The following SLC37A2 variants were observed in gnomAD, a reference collection of about 807,000 sequenced individuals.
SLC37A2 encodes the protein solute carrier family 37 member 2.
SLC37A2 carries 59 observed loss-of-function variants against 70.7 expected under a neutral mutation model. The ratio of observed to expected loss-of-function variants is 0.83; its 90% CI spans 0.68 to 1.04. The LOEUF is 1.04. SLC37A2 is among the 50% of genes least tolerant of loss of function. The pLI is 0.00. For missense variants in SLC37A2, 580 were observed against 658.1 expected (o/e 0.88, Z 1.30); for synonymous variants, 257 against 262.1 (o/e 0.98, Z 0.19).
In SLC37A2 at chr11:125,082,473, G is replaced by T. The variant is rs1949161349; in HGVS notation, c.976+139G>T. 3 of 762,370 alleles carry T rather than the reference G, an allele frequency of 3.9e-6. 1 individual carries two copies. The East Asian group carries it at 7.9e-5, about 20-fold the overall frequency. The allele number at this position is 762,370 out of a possible 1,614,324, so 47.2% of individuals were successfully genotyped here. The stretch of plus-strand genomic sequence containing the variant: ...CTGCTGAACCTCTCCTAGAGTGAAA[G>T]GAGCTTGATTTAGTTGTTTACTTAA... On this transcript the variant is annotated intron_variant, in intron 10 of 17. Coordinates refer to ENST00000403796, the MANE Select transcript of SLC37A2 (RefSeq NM_001145290.2).
chr11:125,072,453 C>A (rs1949038005), intron 1 of SLC37A2, among the ~76,000 whole-genome samples: 1 of 152,214 alleles, frequency 6.6e-6, no homozygotes, highest in African/African-American at 2.4e-5. Context: ...CCATCTGGAG[C>A]AGCCGGGGGC....
chr11:125,074,819 G>C (rs982451623), intron 1 of SLC37A2, among the ~76,000 whole-genome samples: 74 of 152,226 alleles, frequency 4.9e-4, no homozygotes, highest in African/African-American at 1.8e-3. Flanking sequence ...CCCCAGTGGG[G>C]CCTTGGGTCC....
chr11:125,081,825 C>G lies in SLC37A2; in HGVS notation c.804C>G (p.Gly268=), dbSNP rs1417870147. Residue 268 remains glycine, a synonymous_variant, in exon 9 of 18, where the codon GGC becomes GGG. Transcript: ENST00000403796. ...GTCCCTGCTCTATCAGGGAGAGCGG[C>G]CTTGAGACTGTGGCCAAATGCTCCA... ...GNSPCSIRES[G]LETVAKCSKG... 3.3e-5 allele frequency: 54 copies of G among 1,613,896 alleles called. No individual in the cohort carries two copies. Among genetic ancestry groups the G allele is most frequent in the Non-Finnish European group, 4.6e-5 (54 of 1,179,936 alleles).
At chr11:125,071,953 G>A (rs78793716) in intron 1 of SLC37A2, among the ~76,000 whole-genome samples, 6,433 of 152,220 alleles carry the variant, frequency 0.042, 155 homozygotes, top group Middle Eastern at 0.082. Context: ...AGTCACGTCC[G>A]AGAAGAGACT....
chr11:125,082,089 G>A (rs567578263), intron 9 of SLC37A2, among the ~76,000 whole-genome samples, 155 bp from the exon 10 acceptor site: 33 of 152,234 alleles, frequency 2.2e-4, no homozygotes, highest in African/African-American at 6.3e-4. Context: ...CTTGCACAGT[G>A]GTCATGTTGC....
intron 12 of SLC37A2, 100 bp from the exon 13 acceptor site, chr11:125,084,725 C>T (rs1949185735): frequency 1.6e-6 from 2 of 1,270,576 alleles, no homozygotes; most frequent in East Asian, 2.4e-5. Flanking sequence ...ATAGGATGCC[C>T]TCTGGGGTTT....
chr11:125,072,295 G>T (rs1411561396), intron 1 of SLC37A2, among the ~76,000 whole-genome samples: 1 of 152,152 alleles, frequency 6.6e-6, no homozygotes, highest in Non-Finnish European at 1.5e-5. Context: ...GAGTAGGTTG[G>T]ACTGTCAGCT....
intron 17 of SLC37A2, 90 bp from the exon 18 acceptor site, chr11:125,088,029 C>G (rs1949241798): frequency 3.5e-6 from 5 of 1,426,464 alleles, no homozygotes; most frequent in South Asian, 2.5e-5. Flanking sequence ...ATGAAGGGAC[C>G]CTGGGACCCT....
In SLC37A2 at chr11:125,089,077, A is replaced by G. The variant is rs7111308; in HGVS notation, c.*943A>G. On this transcript the variant is annotated 3_prime_UTR_variant, in exon 18 of 18. Coordinates refer to ENST00000403796, the MANE Select transcript of SLC37A2 (RefSeq NM_001145290.2). ...TGGTTCATTCAGGCAGCTGCTGCAGATGTGGTCACCTGGTGCCATCTGCTG... is the reference window on the plus strand; with the variant it reads ...TGGTTCATTCAGGCAGCTGCTGCAGGTGTGGTCACCTGGTGCCATCTGCTG... 116,487 of 152,170 alleles carry G rather than the reference A, an allele frequency of 0.77. 44,934 individuals are homozygous for G. The highest frequency in any genetic ancestry group is 0.87 in the African/African-American group (36,190 of 41,492). 9.4% of individuals were successfully genotyped at this position (152,170 alleles called of 1,614,324 possible). A position where few individuals can be genotyped will look rare whatever the true frequency, so the allele number is the denominator to read the frequency against.
intron 1 of SLC37A2, among the ~76,000 whole-genome samples, chr11:125,064,348 C>A (rs529720222): frequency 9.9e-5 from 15 of 152,070 alleles, no homozygotes; most frequent in Admixed American, 9.2e-4. Flanking sequence ...CCTCACACCC[C>A]TCCCTGTCTC....
rs991100942 is a variant in SLC37A2, at chr11:125,073,415, G to A, written c.60-3342G>A. ...TACCTTCCAGGTAAATCCAGGGCCC[G>A]GAGCCTCCACTTCCCAGAAGAGTTT... On this transcript the variant is annotated intron_variant, in intron 1 of 17. Transcript: ENST00000403796. Among the ~76,000 whole-genome samples, 75 of 152,198 alleles carry A rather than the reference G, an allele frequency of 4.9e-4. 1 individual carries two copies. Among genetic ancestry groups the A allele is most frequent in the Admixed American group, 9.8e-4 (15 of 15,288 alleles).
At chr11:125,085,164 C>T (rs1427070260) in intron 14 of SLC37A2, 25 bp downstream of exon 14, 1 of 1,608,274 alleles carries the variant, frequency 6.2e-7, no homozygotes, top group African/African-American at 1.3e-5. Flanking sequence ...CTCCCGAGGG[C>T]CAGGGACCGT....
At position 125,080,690 on chromosome 11, in the gene SLC37A2, TG is replaced by T; in HGVS notation, c.607del (p.Val203Ter). 1 of 1,587,198 alleles carries T rather than the reference TG, an allele frequency of 6.3e-7. No homozygotes were observed. Among genetic ancestry groups the T allele is most frequent in the Non-Finnish European group, 8.6e-7 (1 of 1,166,102 alleles). On this transcript the variant is annotated frameshift_variant, in exon 7 of 18. Coordinates refer to ENST00000403796, the MANE Select transcript of SLC37A2 (RefSeq NM_001145290.2). LOFTEE classifies it high-confidence loss of function. The surrounding 1 kb of genome is among the most constrained non-coding windows in gnomAD (Gnocchi z 4.3). ...CCTGGGCTCCCTGATCGCCGGCATC[TG>T]GGTGAACGGGCAGTGGGGCCTGTCG... Reference protein sequence around the residue: ...NILGSLIAGIWVNGQWGLSFI... With the variant: ...NILGSLIAGIXVNGQWGLSFI...
chr11:125,083,453 A>C lies in SLC37A2; in HGVS notation c.977-362A>C. The C allele has an allele frequency of 4.6e-6, 1 of 219,240 alleles. No homozygotes were observed. The highest frequency in any genetic ancestry group is 9.2e-6 in the Non-Finnish European group (1 of 109,022). 13.6% of individuals were successfully genotyped at this position (219,240 alleles called of 1,614,324 possible). On this transcript the variant is annotated intron_variant, in intron 10 of 17. Coordinates refer to ENST00000403796, the MANE Select transcript of SLC37A2 (RefSeq NM_001145290.2). The surrounding 1 kb of genome is among the most constrained non-coding windows in gnomAD (Gnocchi z 4.6). ...AACGGGAAGAGTTCCTAGTGCTGCT[A>C]GGGCCGGAGTGAAGCAGAGAAAGGG...
At chr11:125,086,234 G>A (rs1229916799) in intron 17 of SLC37A2, 2 of 1,613,068 alleles carry the variant, frequency 1.2e-6, no homozygotes, top group East Asian at 4.5e-5. Context: ...ACCAGTGATA[G>A]TATTTTCCTC....
Position 125,080,855 on chromosome 11 carries a change from G to A in SLC37A2, c.694+75G>A. The A allele has an allele frequency of 1.6e-6, 2 of 1,286,762 alleles. No homozygotes were observed. Among genetic ancestry groups the A allele is most frequent in the Non-Finnish European group, 2.0e-6 (2 of 994,840 alleles). The allele number at this position is 1,286,762 out of a possible 1,614,324, so 79.7% of individuals were successfully genotyped here. A position where few individuals can be genotyped will look rare whatever the true frequency, so the allele number is the denominator to read the frequency against. On this transcript the variant is annotated intron_variant, in intron 7 of 17. Coordinates refer to ENST00000403796, the MANE Select transcript of SLC37A2 (RefSeq NM_001145290.2). This position sits in a 1 kb window ranked among gnomAD's most constrained non-coding sequence, Gnocchi z 4.3. ...CTGGGAGAAGGCAGCTGGATCTACT[G>A]GAAAGATTGCTGGTCACAGAGTGGG...
chr11:125,082,895 G>C (rs1949165489), intron 10 of SLC37A2, among the ~76,000 whole-genome samples: 1 of 152,188 alleles, frequency 6.6e-6, no homozygotes, highest in South Asian at 2.1e-4. Context: ...CCTGCCCAGG[G>C]ATGTATAGAT....
chr11:125,088,419 G>C lies in SLC37A2; in HGVS notation c.*285G>C. 2.1e-6 allele frequency: 1 copy of C among 465,448 alleles called. No individual in the cohort carries two copies. Among genetic ancestry groups the C allele is most frequent in the Non-Finnish European group, 3.8e-6 (1 of 259,846 alleles). 28.8% of individuals were successfully genotyped at this position (465,448 alleles called of 1,614,324 possible). On this transcript the variant is annotated 3_prime_UTR_variant, in exon 18 of 18. Coordinates refer to ENST00000403796, the MANE Select transcript of SLC37A2 (RefSeq NM_001145290.2). Reference sequence around the variant, plus strand: ...TTGTGTCTCCATTTTGATAAGGAAAGGATATGCTCAGACTCTTGCTTGTTC... The same window carrying C: ...TTGTGTCTCCATTTTGATAAGGAAACGATATGCTCAGACTCTTGCTTGTTC...
At position 125,085,591 on chromosome 11, in the gene SLC37A2, C is replaced by T. The variant is rs765345931; in HGVS notation, c.1342C>T (p.Pro448Ser). The change falls in exon 16 of 18, where the codon CCT becomes TCT. Residue 448 changes from proline to serine, a missense_variant. By Grantham distance (74) the Pro-to-Ser change is moderately conservative (BLOSUM62 -1). Coordinates refer to ENST00000403796, the MANE Select transcript of SLC37A2 (RefSeq NM_001145290.2). ...GTGSIGAALGPLLAGLISPTG... is the reference protein window; with the variant it reads ...GTGSIGAALGSLLAGLISPTG... ...GCTCCATTCAGGTGCGGCTCTGGGGCCTCTGCTGGCTGGGCTCATCTCCCC... is the reference window on the plus strand; with the variant it reads ...GCTCCATTCAGGTGCGGCTCTGGGGTCTCTGCTGGCTGGGCTCATCTCCCC... 6 of 1,613,896 alleles carry T rather than the reference C, an allele frequency of 3.7e-6. No individual in the cohort carries two copies. Among genetic ancestry groups the T allele is most frequent in the Non-Finnish European group, 5.1e-6 (6 of 1,180,024 alleles).
Sources: gnomAD v4.1 joint callset for allele counts (sites outside exome capture counted in the v4.1 genomes callset) on GRCh38, gnomAD v4.1.1 for gene constraint, Gnocchi (gnomAD v3.1) non-coding constraint, MANE v1.5 for transcripts, NCBI Gene and HGNC (gene_info 2026-07-23, HGNC 2026-07-21) for gene names.